Variants in RFX3 observed in about 807,000 individuals in gnomAD.
RFX3 encodes transcription factor RFX3.
A neutral mutation model predicts 98.6 loss-of-function variants in RFX3; 14 were observed. That is an observed-to-expected ratio of 0.14 (90% confidence interval 0.09 to 0.22). The LOEUF (loss-of-function observed/expected upper bound fraction) is 0.22. RFX3 is among the 10% of genes least tolerant of loss of function. The pLI is 1.00. For missense variants in RFX3, 639 were observed against 926.9 expected (o/e 0.69, Z 4.03); for synonymous variants, 383 against 328.4 (o/e 1.17, Z -1.80).
chr9:3,364,229 T>C (rs1424170571), intron 2 of RFX3: 1 of 157,288 alleles, frequency 6.4e-6, no homozygotes, highest in Non-Finnish European at 1.4e-5. Context: ...GTCTCAGCAT[T>C]TACCATCTAT....
chr9:3,241,937 A>G (rs1327705334), intron 15 of RFX3, among the ~76,000 whole-genome samples: 1 of 152,236 alleles, frequency 6.6e-6, no homozygotes, highest in Non-Finnish European at 1.5e-5. Context: ...GAAACAAAGT[A>G]ATAAAAACTT....
chr9:3,386,717 T>C lies in RFX3; in HGVS notation c.117+8755A>G, dbSNP rs375134496. ...CCTAGAAAATAATGTTGGATTTAGC[T>C]TGTCCAGAAGTGCACAGTTTCAAGT... On this transcript the variant is annotated intron_variant, in intron 2 of 16. Coordinates refer to ENST00000617270, the MANE Select transcript of RFX3 (RefSeq NM_001282116.2). Among the ~76,000 whole-genome samples the C allele has an allele frequency of 1.7e-4, 26 of 152,308 alleles. No individual in the cohort carries two copies. The East Asian group carries it at 3.3e-3, about 19-fold the overall frequency.
At chr9:3,328,428 T>C (rs1212463337) in intron 4 of RFX3, among the ~76,000 whole-genome samples, 1 of 152,188 alleles carries the variant, frequency 6.6e-6, no homozygotes, top group African/African-American at 2.4e-5. Context: ...ATAGGGGAAC[T>C]GAGATCCAGA....
rs1199453937 is a variant in RFX3 at position 3,504,879 on chromosome 9, TTA to T, written c.-9+20866_-9+20867del. ...TATGATATAATATATATTATATATATTATATATAATATAACATATATTATATA... is the reference window on the plus strand; with the variant it reads ...TATGATATAATATATATTATATATATTATATAATATAACATATATTATATA... On this transcript the variant is annotated intron_variant, in intron 1 of 16. Transcript: ENST00000617270. Among the ~76,000 whole-genome samples the T allele has an allele frequency of 4.1e-4, 22 of 53,182 alleles. No homozygotes were observed. The South Asian group carries it at 8.5e-3, about 21-fold the overall frequency. 34.9% of individuals were successfully genotyped at this position (53,182 alleles called of 152,430 possible).
Position 3,483,637 on chromosome 9 carries a change from T to C in RFX3, c.-9+42110A>G, listed in dbSNP as rs200932815. On this transcript the variant is annotated intron_variant, in intron 1 of 16. Coordinates refer to ENST00000617270, the MANE Select transcript of RFX3 (RefSeq NM_001282116.2). ...ACTTATAAAAGCACAATAATTCACA[T>C]TGAAATCCAGATTATAGATATCCAG... Among the ~76,000 whole-genome samples the C allele has an allele frequency of 1.2e-3, 177 of 152,276 alleles. 4 individuals are homozygous for C. In the East Asian group the frequency reaches 0.019, roughly 17 times the overall value.
chr9:3,469,017 T>A, intron 1 of RFX3: 1 of 335,882 alleles, frequency 3.0e-6, no homozygotes, highest in Non-Finnish European at 5.9e-6. Context: ...CTCTAATTAG[T>A]GTAGCCAAAA....
At chr9:3,318,046 C>T (rs1443403114) in intron 4 of RFX3, among the ~76,000 whole-genome samples, 1 of 152,214 alleles carries the variant, frequency 6.6e-6, no homozygotes, top group African/African-American at 2.4e-5. Flanking sequence ...GAGTATAAAT[C>T]ATGCTGCTAT....
chr9:3,270,932 A>G (rs1174095472), intron 10 of RFX3, 71 bp downstream of exon 10: 17 of 1,605,004 alleles, frequency 1.1e-5, no homozygotes, highest in Non-Finnish European at 1.4e-5. Context: ...ACTGGTATAC[A>G]TATCTCTAAT....
chr9:3,354,713 T>A (rs1275523047), intron 2 of RFX3, among the ~76,000 whole-genome samples: 2 of 151,870 alleles, frequency 1.3e-5, no homozygotes, highest in African/African-American at 2.4e-5. Context: ...AAGAAGTTCT[T>A]CAGACTAAAG....
intron 1 of RFX3, among the ~76,000 whole-genome samples, chr9:3,471,310 T>G (rs1225172088): frequency 6.6e-6 from 1 of 152,230 alleles, no homozygotes; most frequent in African/African-American, 2.4e-5. Context: ...AGTAATATCA[T>G]TCTGGCATCA....
chr9:3,232,357 C>T (rs77053489), intron 15 of RFX3, among the ~76,000 whole-genome samples: 1 of 152,134 alleles, frequency 6.6e-6, no homozygotes, highest in Non-Finnish European at 1.5e-5. Context: ...TGAAGCTTTC[C>T]TGGCAGCCCT....
chr9:3,235,810 T>G (rs932088445), intron 15 of RFX3, among the ~76,000 whole-genome samples: 1 of 152,138 alleles, frequency 6.6e-6, no homozygotes, highest in South Asian at 2.1e-4. Flanking sequence ...GTAACTACAT[T>G]GGGCACACCT....
chr9:3,298,782 T>C (rs1828305783), intron 5 of RFX3, among the ~76,000 whole-genome samples: 1 of 151,800 alleles, frequency 6.6e-6, no homozygotes, highest in Non-Finnish European at 1.5e-5. Flanking sequence ...TTTATCTTAT[T>C]TAGTCCTAAT....
chr9:3,369,332 C>T (rs1366438057), intron 2 of RFX3, among the ~76,000 whole-genome samples: 1 of 152,158 alleles, frequency 6.6e-6, no homozygotes, highest in Non-Finnish European at 1.5e-5. Context: ...AGGGGTCTCT[C>T]TAGGTTGTCT....
At chr9:3,329,420 A>C (rs1473582444) in intron 4 of RFX3, among the ~76,000 whole-genome samples, 17 of 150,072 alleles carry the variant, frequency 1.1e-4, no homozygotes, top group East Asian at 3.9e-4. Context: ...AAAAAAAAAA[A>C]AAAAAAAACA....
chr9:3,369,356 T>C (rs1669505642), intron 2 of RFX3, among the ~76,000 whole-genome samples: 1 of 152,210 alleles, frequency 6.6e-6, no homozygotes, highest in Non-Finnish European at 1.5e-5. Flanking sequence ...GTAAGTACAC[T>C]AATCCTATTC....
intron 1 of RFX3, among the ~76,000 whole-genome samples, chr9:3,487,026 C>CT (rs1201459828): frequency 1.3e-4 from 19 of 151,102 alleles, no homozygotes; most frequent in South Asian, 8.4e-4. Flanking sequence ...AGAATTTTCT[C>CT]TTTTTTTTTA....
chr9:3,361,972 T>G (rs564556701), intron 2 of RFX3, among the ~76,000 whole-genome samples: 1 of 152,104 alleles, frequency 6.6e-6, no homozygotes, highest in Non-Finnish European at 1.5e-5. Context: ...TAAAATAAAA[T>G]AAGTCACAGG....
At chr9:3,504,427 G>GCA (rs1816496970) in intron 1 of RFX3, among the ~76,000 whole-genome samples, 4 of 125,628 alleles carry the variant, frequency 3.2e-5, no homozygotes, top group Non-Finnish European at 4.8e-5. Context: ...ATACCACATA[G>GCA]TATATATTGT....
Sources: allele counts gnomAD v4.1 joint callset (sites outside exome capture counted in the v4.1 genomes callset), GRCh38; gene constraint gnomAD v4.1.1; transcripts MANE v1.5; gene names NCBI Gene and HGNC (gene_info 2026-07-23, HGNC 2026-07-21).